SMG6: variants seen among roughly 807,000 people sequenced by gnomAD.
SMG6 encodes SMG6 nonsense mediated mRNA decay factor, also known as telomerase-binding protein EST1A.
SMG6 carries 66 observed loss-of-function variants against 142.2 expected under a neutral mutation model. The observed-to-expected ratio is 0.46, with a 90% confidence interval of 0.38 to 0.57. SMG6 has a LOEUF of 0.57. Ranked by LOEUF, SMG6 falls within the 20% of genes least tolerant of loss-of-function variation. SMG6 has a pLI of 0.00. For missense variants in SMG6, 1,793 were observed against 1,832.0 expected, an observed-to-expected ratio of 0.98 and a Z score of 0.39; for synonymous variants, 779 against 702.4, an observed-to-expected ratio of 1.11 and a Z score of -1.72.
intron 10 of SMG6, among the ~76,000 whole-genome samples, chr17:2,218,377 G>A (rs905807863): frequency 2.6e-5 from 4 of 151,956 alleles, no homozygotes; most frequent in Non-Finnish European, 5.9e-5. Flanking sequence ...GTGAAATCCC[G>A]TCTCTACTAA....
chr17:2,147,735 C>T (rs1213559636), intron 13 of SMG6, among the ~76,000 whole-genome samples: 1 of 152,150 alleles, frequency 6.6e-6, no homozygotes, highest in Non-Finnish European at 1.5e-5. Flanking sequence ...AAAATCAAAA[C>T]CACAGTGCAA....
chr17:2,156,552 A>G (rs1004560504), intron 13 of SMG6, among the ~76,000 whole-genome samples: 1 of 152,340 alleles, frequency 6.6e-6, no homozygotes, highest in East Asian at 1.9e-4. Context: ...TCAGCCTGTC[A>G]GATGCAAGAC....
intron 8 of SMG6, among the ~76,000 whole-genome samples, chr17:2,280,989 TG>T (rs1223931136): frequency 1.3e-5 from 2 of 152,190 alleles, no homozygotes; most frequent in African/African-American, 4.8e-5. Flanking sequence ...GGAAAATCAC[TG>T]GAACTCAGGA....
intron 12 of SMG6, among the ~76,000 whole-genome samples, chr17:2,179,555 A>G (rs1344480588): frequency 1.3e-5 from 2 of 151,368 alleles, no homozygotes; most frequent in African/African-American, 4.9e-5. Flanking sequence ...GATCCATGGA[A>G]AAGCAGCAAG....
rs760676608 is a variant in SMG6, at chr17:2,303,666, G to A, written c.55C>T (p.Leu19=). Residue 19 remains leucine (L), a synonymous_variant, in exon 1 of 19, where the codon CTG becomes TTG. Transcript: ENST00000263073. ...RISASELRGI[L]ATLAPQAGSR... is the part of the protein sequence containing the mutation. ...CCGGCCTGCGGGGCCAGAGTAGCCAGGATCCCGCGCAGCTCCGACGCGGAG... is the reference window on the plus strand; with the variant it reads ...CCGGCCTGCGGGGCCAGAGTAGCCAAGATCCCGCGCAGCTCCGACGCGGAG... 9 of 1,493,334 alleles carry A rather than the reference G, an allele frequency of 6.0e-6. No homozygotes were observed. The highest frequency in any genetic ancestry group is 2.2e-5 in the Admixed American group (1 of 45,476). The allele number at this position is 1,493,334 out of a possible 1,614,324, so 92.5% of individuals were successfully genotyped here. A position where few individuals can be genotyped will look rare whatever the true frequency, so the allele number is the denominator to read the frequency against.
intron 10 of SMG6, chr17:2,215,730 G>C (rs2072998019): frequency 6.6e-6 from 1 of 151,852 alleles, no homozygotes; most frequent in African/African-American, 2.4e-5. Flanking sequence ...GACGCAGAGA[G>C]AGAAAGAGAG....
chr17:2,303,154 T>A (rs2075323029), intron 1 of SMG6: 5 of 985,338 alleles, frequency 5.1e-6, no homozygotes, highest in African/African-American at 1.7e-5. Flanking sequence ...TTCGGAAGCC[T>A]GTCTTGGGGG....
intron 13 of SMG6, among the ~76,000 whole-genome samples, chr17:2,106,423 AAG>A (rs1042919361): frequency 1.8e-4 from 28 of 152,280 alleles, no homozygotes; most frequent in African/African-American, 6.7e-4. Flanking sequence ...ACTGGGGGAA[AAG>A]AGAGTCCTAT....
At chr17:2,228,587 TC>T (rs757010585) in intron 10 of SMG6, among the ~76,000 whole-genome samples, 1 of 149,614 alleles carries the variant, frequency 6.7e-6, no homozygotes, top group Non-Finnish European at 1.5e-5. Flanking sequence ...GGTCTTGAAC[TC>T]CTGGCCTCAA....
Position 2,300,317 on chromosome 17 carries a change from AG to A in SMG6, c.435del (p.Tyr146IlefsTer27). On this transcript the variant is annotated frameshift_variant, in exon 2 of 19. Transcript: ENST00000263073. LOFTEE classifies it high-confidence loss of function. ...IKRTKKPDLQ[I>X]YQPGRRLQTV... Reference sequence around the variant, plus strand: ...GTCTGCAAACGTCGTCCAGGCTGATAGATCTGCAGGTCGGGTTTCTTTGTTC... The same window carrying A: ...GTCTGCAAACGTCGTCCAGGCTGATAATCTGCAGGTCGGGTTTCTTTGTTC... 1.2e-6 allele frequency: 2 copies of A among 1,614,064 alleles called. No individual in the cohort carries two copies. The highest frequency in any genetic ancestry group is 1.7e-6 in the Non-Finnish European group (2 of 1,180,040).
At chr17:2,173,845 CTTTTTTTTTTTTTTTT>C (rs35215989) in intron 12 of SMG6, among the ~76,000 whole-genome samples, 3 of 74,804 alleles carry the variant, frequency 4.0e-5, no homozygotes. Flanking sequence ...ATCCATAAAG[CTTTTTTTTTTTTTTTT>C]TTTTTTTTTT....
At chr17:2,226,388 G>A (rs2073319457) in intron 10 of SMG6, among the ~76,000 whole-genome samples, 1 of 150,782 alleles carries the variant, frequency 6.6e-6, no homozygotes, top group African/African-American at 2.4e-5. Flanking sequence ...AGACCAGTCT[G>A]GCCAACACAG....
At chr17:2,063,618 A>G (rs1260167454) in intron 18 of SMG6, among the ~76,000 whole-genome samples, 1 of 152,250 alleles carries the variant, frequency 6.6e-6, no homozygotes, top group African/African-American at 2.4e-5. Flanking sequence ...CAAGGCCTTC[A>G]GCAATCCCGC....
intron 16 of SMG6, among the ~76,000 whole-genome samples, chr17:2,066,268 A>ATGTCTGTGTGCGTGTATG (rs373644297): frequency 6.6e-6 from 1 of 151,100 alleles, no homozygotes; most frequent in South Asian, 2.1e-4. Flanking sequence ...GCGCACGTGT[A>ATGTCTGTGTGCGTGTATG]TGTCTGTGTG....
At chr17:2,118,991 C>T (rs945957615) in intron 13 of SMG6, among the ~76,000 whole-genome samples, 3 of 151,638 alleles carry the variant, frequency 2.0e-5, no homozygotes, top group Non-Finnish European at 2.9e-5. Flanking sequence ...ACCTCCGTCT[C>T]CCGGTTCAAG....
intron 8 of SMG6, among the ~76,000 whole-genome samples, chr17:2,245,719 C>T (rs1189066800): frequency 2.0e-5 from 3 of 152,136 alleles, no homozygotes; most frequent in Admixed American, 6.5e-5. Flanking sequence ...CTCACTCTGT[C>T]GCCCAGACTG....
chr17:2,078,002 CT>C (rs58839521), intron 15 of SMG6, among the ~76,000 whole-genome samples: 2 of 151,960 alleles, frequency 1.3e-5, no homozygotes, highest in Non-Finnish European at 2.9e-5. Flanking sequence ...GGAATTAAGA[CT>C]TTTTTTTACT....
At chr17:2,288,175 G>A (rs1282833354) in intron 6 of SMG6, among the ~76,000 whole-genome samples, 2 of 152,078 alleles carry the variant, frequency 1.3e-5, no homozygotes, top group African/African-American at 4.8e-5. Flanking sequence ...TTAGCCAGGC[G>A]TGGTGGTATA....
chr17:2,201,158 G>A (rs2072508804), intron 10 of SMG6, among the ~76,000 whole-genome samples: 1 of 152,166 alleles, frequency 6.6e-6, no homozygotes, highest in East Asian at 1.9e-4. Context: ...TCAGAACTGA[G>A]GTATATAAAG....
Sources: gnomAD v4.1 joint callset for allele counts (sites outside exome capture counted in the v4.1 genomes callset) on GRCh38, gnomAD v4.1.1 for gene constraint, MANE v1.5 for transcripts, NCBI Gene and HGNC (gene_info 2026-07-23, HGNC 2026-07-21) for gene names.